BAIAP3: variants seen among roughly 807,000 people sequenced by gnomAD.
BAIAP3 encodes the protein BAI1 associated protein 3.
A neutral mutation model predicts 149.7 loss-of-function variants in BAIAP3; 180 were observed. That is an observed-to-expected ratio of 1.20 (90% CI 1.07 to 1.36). The LOEUF (loss-of-function observed/expected upper bound fraction) is 1.36. BAIAP3 is among the 40% of genes most tolerant of loss of function. The probability of loss-of-function intolerance (pLI) is 0.00; values close to 1 mark genes in which losing one functional copy is unlikely to be tolerated. For synonymous variants in BAIAP3, 845 were observed against 670.7 expected (o/e 1.26, Z -4.02); for missense variants, 1,767 against 1,563.4 (o/e 1.13, Z -2.20).
At chr16:1,344,899 C>A in intron 20 of BAIAP3, 50 bp downstream of exon 20, 12 of 1,613,642 alleles carry the variant, frequency 7.4e-6, no homozygotes, top group African/African-American at 1.3e-5. Context: ...GGGAAGTGGG[C>A]AGATGCCCTT....
chr16:1,341,884 A>G lies in BAIAP3; in HGVS notation c.776+18A>G. On this transcript the variant is annotated intron_variant, in intron 9 of 33. Transcript: ENST00000426824. ...GACATCTGGTACAGGCCCCTGCGCC[A>G]TGCAGGGCGGCGGGGATGCACACCT... 1 of 1,608,932 alleles carries G rather than the reference A, an allele frequency of 6.2e-7. No individual in the cohort carries two copies. The highest frequency in any genetic ancestry group is 8.5e-7 in the Non-Finnish European group (1 of 1,178,472).
Position 1,346,928 on chromosome 16 carries a change from C to A in BAIAP3, c.2724C>A (p.Phe908Leu), listed in dbSNP as rs1197758437. ...CAAACCGTGACGTCTCTGCTGATTTCTACAGCCGCTTCCATTTCACGCTGG... is the reference window on the plus strand; with the variant it reads ...CAAACCGTGACGTCTCTGCTGATTTATACAGCCGCTTCCATTTCACGCTGG... ...LGANRDVSAD[F>L]YSRFHFTLEA... is the part of the protein sequence containing the mutation. Residue 908 changes from phenylalanine to leucine, a missense_variant, in exon 28 of 34, where the codon TTC (phenylalanine) becomes TTA (leucine). By Grantham distance (22) the Phe-to-Leu change is conservative (BLOSUM62 0). Transcript: ENST00000426824. 1.2e-6 allele frequency: 2 copies of A among 1,611,516 alleles called. No individual in the cohort carries two copies. The highest frequency in any genetic ancestry group is 1.7e-6 in the Non-Finnish European group (2 of 1,179,730).
At position 1,347,291 on chromosome 16, in the gene BAIAP3, G is replaced by C; in HGVS notation, c.2752-7G>C. 6.2e-7 allele frequency: 1 copy of C among 1,612,746 alleles called. No individual in the cohort carries two copies. The highest frequency in any genetic ancestry group is 8.5e-7 in the Non-Finnish European group (1 of 1,179,766). ...CCTGACACCTCTGCCTTCTTTCCCT[G>C]CCCCAGGCCCTGGTCAGTTTTTTCC... On this transcript the variant is annotated splice_region_variant and splice_polypyrimidine_tract_variant and intron_variant, in intron 28 of 33. Coordinates refer to ENST00000426824, the MANE Select transcript of BAIAP3 (RefSeq NM_001199097.2).
chr16:1,339,414 C>T, intron 4 of BAIAP3, 82 bp from the exon 5 acceptor site: 1 of 1,499,272 alleles, frequency 6.7e-7, no homozygotes. Flanking sequence ...GAGGTGGGGC[C>T]TGGGCTCAGG....
chr16:1,334,508 A>C (rs1305403537), intron 1 of BAIAP3: 2 of 650,808 alleles, frequency 3.1e-6, no homozygotes, highest in East Asian at 5.5e-5. Flanking sequence ...CTGCGCAGAC[A>C]CGGGCGAGGG....
In BAIAP3 at chr16:1,339,490, C is replaced by A; in HGVS notation, c.301-6C>A. On this transcript the variant is annotated splice_polypyrimidine_tract_variant and splice_region_variant and intron_variant, in intron 4 of 33. Transcript: ENST00000426824. ...GGCACTGTGGCCGCCCTTCCCCCAC[C>A]TGCAGGTGGAGATGCTCTACGAGGA... 6.2e-7 allele frequency: 1 copy of A among 1,605,264 alleles called. No homozygotes were observed. Among genetic ancestry groups the A allele is most frequent in the Non-Finnish European group, 8.5e-7 (1 of 1,174,474 alleles).
Position 1,349,045 on chromosome 16 carries a change from T to G in BAIAP3, c.*563T>G, listed in dbSNP as rs1193170002. 3.4e-6 allele frequency: 1 copy of G among 297,750 alleles called. No individual in the cohort carries two copies. The highest frequency in any genetic ancestry group is 9.5e-5 in the East Asian group (1 of 10,548). 18.4% of individuals were successfully genotyped at this position (297,750 alleles called of 1,614,324 possible). A position where few individuals can be genotyped will look rare whatever the true frequency, so the allele number is the denominator to read the frequency against. ...CTCCCAGGCCGGGGAAAGGTTCCCC[T>G]GAGGTCACTCTGAGGCCAGGGACGT... On this transcript the variant is annotated 3_prime_UTR_variant, in exon 34 of 34. Transcript: ENST00000426824.
At chr16:1,341,603 G>GC in intron 8 of BAIAP3, 114 bp downstream of exon 8, 2 of 1,379,574 alleles carry the variant, frequency 1.4e-6, no homozygotes, top group Non-Finnish European at 2.0e-6. Flanking sequence ...GGGGCCGTGT[G>GC]CCCACTTTCC....
At position 1,340,945 on chromosome 16, in the gene BAIAP3, G is replaced by A. The variant is rs1260081706; in HGVS notation, c.432G>A (p.Glu144=). 1.3e-6 allele frequency: 2 copies of A among 1,581,214 alleles called. No individual in the cohort carries two copies. Among genetic ancestry groups the A allele is most frequent in the Non-Finnish European group, 1.7e-6 (2 of 1,163,976 alleles). The part of the protein sequence containing the change: ...LQQVFGTSLE[E]HTEAIERVRK... Reference sequence around the variant, plus strand: ...AGGTGTTTGGCACCAGCCTTGAGGAGCACACTGAGGCCATCGAGCGAGTGA... The same window carrying A: ...AGGTGTTTGGCACCAGCCTTGAGGAACACACTGAGGCCATCGAGCGAGTGA... The change falls in exon 6 of 34, where the codon GAG becomes GAA. Residue 144 remains glutamate (E), a synonymous_variant. Transcript: ENST00000426824.
In BAIAP3 at chr16:1,346,689, G is replaced by A. The variant is rs560288832; in HGVS notation, c.2642+5G>A. 9.9e-5 allele frequency: 152 copies of A among 1,538,454 alleles called. 2 individuals carry two copies. In the South Asian group the frequency reaches 1.3e-3, roughly 13 times the overall value. On this transcript the variant is annotated splice_donor_5th_base_variant and intron_variant, in intron 27 of 33. Coordinates refer to ENST00000426824, the MANE Select transcript of BAIAP3 (RefSeq NM_001199097.2). ...GGTGAAGGGGAACCTGAGCAGGTGC[G>A]GGCGGGTGGGGTGGGATGGGCTGGG...
At position 1,338,671 on chromosome 16, in the gene BAIAP3, C is replaced by G. The variant is rs116106398; in HGVS notation, c.122C>G (p.Thr41Arg). The G allele has an allele frequency of 1.3e-6, 2 of 1,582,010 alleles. No individual in the cohort carries two copies. The highest frequency in any genetic ancestry group is 1.8e-5 in the Admixed American group (1 of 54,992). The change falls in exon 2 of 34, where the codon ACG (threonine) becomes AGG (arginine). Residue 41 changes from threonine to arginine, a missense_variant. Coordinates refer to ENST00000426824, the MANE Select transcript of BAIAP3 (RefSeq NM_001199097.2). The part of the protein sequence containing the change: ...SASADPQEPA[T>R]GAWKPGDGVE... ...AGCGCCGACCCGCAGGAGCCTGCCA[C>G]GGGGGCCTGGTGGGTGCCGAGGGGC...
At chr16:1,340,535 C>T (rs1229044867) in intron 5 of BAIAP3, among the ~76,000 whole-genome samples, 1 of 150,250 alleles carries the variant, frequency 6.7e-6, no homozygotes, top group African/African-American at 2.5e-5. Flanking sequence ...CAGACACGCA[C>T]ACACACACAC....
rs771345002 is a variant in BAIAP3, at chr16:1,341,341, G to A, written c.583G>A (p.Ala195Thr). ...GCTGGGCATCCTGCCTGCCTCGGAC[G>A]CCACGCGGGAGCCCCGTGCACAGAA... ...CMLGILPASD[A>T]TREPRAQKEQ... The change falls in exon 8 of 34, where the codon GCC (alanine) becomes ACC (threonine). Residue 195 changes from alanine (A) to threonine (T), a missense_variant. Transcript: ENST00000426824. 14 of 1,611,686 alleles carry A rather than the reference G, an allele frequency of 8.7e-6. 1 individual carries two copies. The highest frequency in any genetic ancestry group is 5.5e-5 in the South Asian group (5 of 91,054).
At chr16:1,339,851 C>G (rs2033752717) in intron 5 of BAIAP3, among the ~76,000 whole-genome samples, 2 of 147,376 alleles carry the variant, frequency 1.4e-5, no homozygotes, top group Admixed American at 1.3e-4. Context: ...GACACACGCA[C>G]ACAGGCTGCA....
At chr16:1,338,449 T>TCCCCCCCCCCCCCCCC in intron 1 of BAIAP3, 91 bp from the exon 2 acceptor site, 1 of 285,974 alleles carries the variant, frequency 3.5e-6, no homozygotes, top group South Asian at 3.2e-5. Flanking sequence ...CCCCACCTCT[T>TCCCCCCCCCCCCCCCC]CCCGCCCCAC....
Position 1,344,209 on chromosome 16 carries a change from C to A in BAIAP3, c.1512-18C>A. The A allele has an allele frequency of 6.2e-7, 1 of 1,612,952 alleles. No homozygotes were observed. Among genetic ancestry groups the A allele is most frequent in the Non-Finnish European group, 8.5e-7 (1 of 1,179,838 alleles). ...GCTGGCAGGGCAGGCCCCACGTCAG[C>A]GTGCTGCCCCCACCCAGGTGTCTGG... On this transcript the variant is annotated intron_variant, in intron 16 of 33. Coordinates refer to ENST00000426824, the MANE Select transcript of BAIAP3 (RefSeq NM_001199097.2).
At chr16:1,348,328 G>C (rs757459817) in intron 33 of BAIAP3, 27 bp downstream of exon 33, 1 of 1,603,688 alleles carries the variant, frequency 6.2e-7, no homozygotes, top group Non-Finnish European at 8.5e-7. Flanking sequence ...GTGGAGGCAG[G>C]GGCAGCGGGC....
At chr16:1,344,769 G>A in intron 19 of BAIAP3, 29 bp from the exon 20 acceptor site, 1 of 1,613,798 alleles carries the variant, frequency 6.2e-7, no homozygotes. Context: ...TGGGGCGCAG[G>A]TGGATGAGGT....
Position 1,344,855 on chromosome 16 carries a change from G to T in BAIAP3, c.1809+6G>T, listed in dbSNP as rs2141601937. On this transcript the variant is annotated splice_donor_region_variant and intron_variant, in intron 20 of 33. Transcript: ENST00000426824. ...TCCGGCAGCTGGAGCGTCTGGTGAGGAGGGTCCCTGACCCCGGGTGCCTGC... is the reference window on the plus strand; with the variant it reads ...TCCGGCAGCTGGAGCGTCTGGTGAGTAGGGTCCCTGACCCCGGGTGCCTGC... The T allele has an allele frequency of 6.2e-7, 1 of 1,613,704 alleles. No homozygotes were observed. Among genetic ancestry groups the T allele is most frequent in the South Asian group, 1.1e-5 (1 of 91,082 alleles).
Sources: gnomAD v4.1 joint callset for allele counts (sites outside exome capture counted in the v4.1 genomes callset) on GRCh38, gnomAD v4.1.1 for gene constraint, MANE v1.5 for transcripts, NCBI Gene and HGNC (gene_info 2026-07-23, HGNC 2026-07-21) for gene names.